The following LINGO2 variants were observed in gnomAD, a reference collection of about 807,000 sequenced individuals.
LINGO2 encodes the protein leucine-rich repeat and immunoglobulin-like domain-containing nogo receptor-interacting protein 2.
LINGO2 carries 14 observed loss-of-function variants against 30.6 expected under a neutral mutation model. That is an observed-to-expected ratio of 0.46 (90% CI 0.30 to 0.72). LINGO2 has a LOEUF of 0.72. Ranked by LOEUF, LINGO2 falls within the 30% of genes least tolerant of loss-of-function variation. The pLI is 0.07. For missense variants in LINGO2, 729 were observed against 751.7 expected, an observed-to-expected ratio of 0.97 and a Z score of 0.35; for synonymous variants, 317 against 288.5, an observed-to-expected ratio of 1.10 and a Z score of -1.00.
At chr9:28,977,349 G>A in the LINGO2 span, among the ~76,000 whole-genome samples, 7 of 152,098 alleles carry the variant, frequency 4.6e-5, no homozygotes, top group South Asian at 1.0e-3. Context: ...GGGAGGAGGA[G>A]TAGGCTTCAG....
At chr9:28,862,664 A>C in the LINGO2 span, among the ~76,000 whole-genome samples, 1 of 152,146 alleles carries the variant, frequency 6.6e-6, no homozygotes, top group East Asian at 1.9e-4. Flanking sequence ...AGCCTGTACC[A>C]CTGTCACTTA....
chr9:28,837,211 G>A, the LINGO2 span, among the ~76,000 whole-genome samples: 2 of 152,166 alleles, frequency 1.3e-5, no homozygotes, highest in South Asian at 4.1e-4. Flanking sequence ...ACATCTAAGT[G>A]CACAGAACAT....
the LINGO2 span, among the ~76,000 whole-genome samples, chr9:28,958,100 T>A: frequency 6.6e-6 from 1 of 152,198 alleles, no homozygotes; most frequent in African/African-American, 2.4e-5. Context: ...TGCTAATTGT[T>A]TCTTTATTCA....
At chr9:28,759,411 G>A in the LINGO2 span, among the ~76,000 whole-genome samples, 4 of 152,006 alleles carry the variant, frequency 2.6e-5, no homozygotes, top group Non-Finnish European at 5.9e-5. Context: ...GGCCGGGTGC[G>A]GTGGCTCACA....
At chr9:29,001,187 C>T in the LINGO2 span, among the ~76,000 whole-genome samples, 87 of 151,776 alleles carry the variant, frequency 5.7e-4, no homozygotes, top group Non-Finnish European at 9.6e-4. Flanking sequence ...TTGAAAGCTA[C>T]TTTAATACAG....
At chr9:28,683,357 A>G in the LINGO2 span, among the ~76,000 whole-genome samples, 1 of 152,074 alleles carries the variant, frequency 6.6e-6, no homozygotes, top group African/African-American at 2.4e-5. Flanking sequence ...CAATATCTAC[A>G]TGGGTACATC....
At chr9:28,477,411 G>C (rs1825773613) in intron 1 of LINGO2, among the ~76,000 whole-genome samples, 1 of 152,058 alleles carries the variant, frequency 6.6e-6, no homozygotes, top group African/African-American at 2.4e-5. Flanking sequence ...AAACAGGGTA[G>C]GATTTGAACT....
At chr9:28,149,723 G>C (rs1211357146) in intron 4 of LINGO2, among the ~76,000 whole-genome samples, 1 of 150,782 alleles carries the variant, frequency 6.6e-6, no homozygotes, top group Non-Finnish European at 1.5e-5. Context: ...TGTCTTGGAA[G>C]TGAGGAGCGC....
At chr9:28,522,725 T>C (rs1820872321) in intron 1 of LINGO2, among the ~76,000 whole-genome samples, 1 of 152,110 alleles carries the variant, frequency 6.6e-6, no homozygotes, top group African/African-American at 2.4e-5. Flanking sequence ...TAAAAATTCT[T>C]ACAAGAAAAT....
the LINGO2 span, among the ~76,000 whole-genome samples, chr9:28,939,556 T>C: frequency 0.11 from 17,318 of 152,226 alleles, 986 homozygotes; most frequent in South Asian, 0.15. Flanking sequence ...ATCTCTTCTA[T>C]ATGATATTTC....
the LINGO2 span, among the ~76,000 whole-genome samples, chr9:28,946,290 T>C: frequency 6.6e-6 from 1 of 152,200 alleles, no homozygotes; most frequent in Admixed American, 6.6e-5. Context: ...AATGTGCCCC[T>C]ACACAGAGAG....
At chr9:27,992,170 C>T (rs1821428914) in intron 5 of LINGO2, among the ~76,000 whole-genome samples, 2 of 151,284 alleles carry the variant, frequency 1.3e-5, no homozygotes, top group East Asian at 1.9e-4. Context: ...TGAAAATACC[C>T]CTCCAGTCCT....
the LINGO2 span, among the ~76,000 whole-genome samples, chr9:28,868,783 C>G: frequency 0.19 from 28,818 of 151,932 alleles, 3,007 homozygotes; most frequent in East Asian, 0.41. Context: ...TGAGTTTGTT[C>G]CAAACCTCAA....
At chr9:28,103,862 A>G (rs1285560392) in intron 4 of LINGO2, among the ~76,000 whole-genome samples, 1 of 152,122 alleles carries the variant, frequency 6.6e-6, no homozygotes, top group African/African-American at 2.4e-5. Context: ...TTAAACTTTA[A>G]AAAGTCTTTT....
the LINGO2 span, among the ~76,000 whole-genome samples, chr9:28,843,365 A>G: frequency 4.0e-5 from 6 of 151,538 alleles, no homozygotes; most frequent in Admixed American, 6.6e-5. Flanking sequence ...CTACACACTT[A>G]TTAAAAATTA....
intron 1 of LINGO2, among the ~76,000 whole-genome samples, chr9:28,580,848 TACTGGTATTTTTC>T (rs887993767): frequency 1.3e-5 from 2 of 152,054 alleles, no homozygotes; most frequent in African/African-American, 4.8e-5. Context: ...ACACTCCAAA[TACTGGTATTTTTC>T]ACTTAGCAGT....
intron 4 of LINGO2, among the ~76,000 whole-genome samples, chr9:28,052,979 T>G (rs1339163345): frequency 1.3e-5 from 2 of 152,120 alleles, no homozygotes; most frequent in African/African-American, 4.8e-5. Flanking sequence ...TAAGACATTA[T>G]GCTAGAAAGT....
At chr9:28,527,765 G>T (rs1821088841) in intron 1 of LINGO2, among the ~76,000 whole-genome samples, 1 of 152,088 alleles carries the variant, frequency 6.6e-6, no homozygotes, top group Admixed American at 6.5e-5. Context: ...CTTAAATTAT[G>T]ACCTCCTTGA....
chr9:28,050,528 CAAATG>C (rs1292285972), intron 4 of LINGO2, among the ~76,000 whole-genome samples: 2 of 150,834 alleles, frequency 1.3e-5, no homozygotes, highest in Non-Finnish European at 2.9e-5. Flanking sequence ...TAACGGCAAT[CAAATG>C]TAATGTGTGA....
Sources: gnomAD v4.1 joint callset for allele counts (sites outside exome capture counted in the v4.1 genomes callset) on GRCh38, gnomAD v4.1.1 for gene constraint, MANE v1.5 for transcripts, NCBI Gene and HGNC (gene_info 2026-07-23, HGNC 2026-07-21) for gene names.